The following FBXO10 variants were observed in gnomAD, a reference collection of about 807,000 sequenced individuals.
FBXO10 encodes the protein F-box only protein 10.
A neutral mutation model predicts 80.7 loss-of-function variants in FBXO10; 39 were observed. That is an observed-to-expected ratio of 0.48 (90% CI 0.37 to 0.63). The LOEUF (loss-of-function observed/expected upper bound fraction) is 0.63, where lower values mean the gene tolerates loss of function less well. Among genes scored for constraint, FBXO10 ranks in the 30% least tolerant of loss-of-function variants. The pLI is 0.00. For synonymous variants in FBXO10, 449 were observed against 489.6 expected (o/e 0.92, Z 1.09); for missense variants, 1,025 against 1,269.0 (o/e 0.81, Z 2.92).
rs747039257 is a variant in FBXO10 at position 37,541,517 on chromosome 9, T to G, written c.252A>C (p.Thr84=). The G allele has an allele frequency of 1.2e-6, 2 of 1,613,942 alleles. No homozygotes were observed. Among genetic ancestry groups the G allele is most frequent in the Non-Finnish European group, 1.7e-6 (2 of 1,179,836 alleles). The change falls in exon 2 of 11, where the codon ACA becomes ACC. Residue 84 remains threonine (T), a synonymous_variant. Transcript: ENST00000432825. The part of the protein sequence containing the change: ...AFKQHYLASK[T]WTKNALDLES... Reference sequence around the variant, plus strand: ...CCAAGTCCAAGGCATTCTTGGTCCATGTCTTGGATGCAAGGTAATGCTGCT... The same window carrying G: ...CCAAGTCCAAGGCATTCTTGGTCCAGGTCTTGGATGCAAGGTAATGCTGCT...
intron 4 of FBXO10, among the ~76,000 whole-genome samples, chr9:37,529,837 C>CT (rs34740759): frequency 0.29 from 40,453 of 140,728 alleles, 5,914 homozygotes; most frequent in Middle Eastern, 0.32. Context: ...CAAGAGATAT[C>CT]TTTTTTTTTT....
chr9:37,550,516 TGTTG>T (rs1822172569), intron 1 of FBXO10, among the ~76,000 whole-genome samples: 1 of 150,384 alleles, frequency 6.6e-6, no homozygotes, highest in Admixed American at 6.7e-5. Context: ...AGTCTCACTC[TGTTG>T]CCCAGGCTGG....
At chr9:37,552,406 G>A (rs10973410) in intron 1 of FBXO10, among the ~76,000 whole-genome samples, 24,824 of 152,180 alleles carry the variant, frequency 0.16, 2,450 homozygotes, top group East Asian at 0.24. Context: ...ACTTATGGCT[G>A]GGCGAGGTGG....
intron 10 of FBXO10, among the ~76,000 whole-genome samples, chr9:37,513,708 G>T (rs1291688028): frequency 6.6e-6 from 1 of 152,068 alleles, no homozygotes; most frequent in Non-Finnish European, 1.5e-5. Context: ...TCCTGGCTCA[G>T]CCTCCCGAGT....
chr9:37,558,100 G>A (rs1230890097), intron 1 of FBXO10, among the ~76,000 whole-genome samples: 1 of 152,124 alleles, frequency 6.6e-6, no homozygotes, highest in East Asian at 1.9e-4. Context: ...CTTCTTTCAG[G>A]GAGCACCATA....
intron 6 of FBXO10, 132 bp from the exon 7 acceptor site, chr9:37,523,109 A>G: frequency 1.0e-6 from 1 of 967,988 alleles, no homozygotes; most frequent in Non-Finnish European, 1.5e-6. Flanking sequence ...AGCAATTAGC[A>G]CTGTAAATCT....
intron 1 of FBXO10, among the ~76,000 whole-genome samples, chr9:37,561,982 T>G (rs1206802131): frequency 1.3e-5 from 2 of 152,194 alleles, no homozygotes; most frequent in Admixed American, 1.3e-4. Flanking sequence ...TTGGCCAGTC[T>G]AACATCTCAA....
chr9:37,535,196 C>A (rs1005981924), intron 3 of FBXO10, among the ~76,000 whole-genome samples: 1 of 152,128 alleles, frequency 6.6e-6, no homozygotes, highest in East Asian at 1.9e-4. Context: ...CTAACTAGAT[C>A]GACCTCCTAA....
chr9:37,542,610 A>AAG (rs1269280447), intron 1 of FBXO10, among the ~76,000 whole-genome samples: 1 of 151,588 alleles, frequency 6.6e-6, no homozygotes, highest in Non-Finnish European at 1.5e-5. Context: ...AAAAAAAAAA[A>AAG]AAGGATACGA....
intron 8 of FBXO10, among the ~76,000 whole-genome samples, chr9:37,519,413 A>G: frequency 6.6e-6 from 1 of 152,138 alleles, no homozygotes; most frequent in East Asian, 1.9e-4. Flanking sequence ...AAAAGAAAGC[A>G]GGGCAGCCAG....
intron 1 of FBXO10, among the ~76,000 whole-genome samples, chr9:37,552,769 T>C (rs1160756344): frequency 2.0e-5 from 3 of 151,826 alleles, no homozygotes; most frequent in Non-Finnish European, 1.5e-5. Flanking sequence ...ATCAAGGTGC[T>C]GGCACCTGGT....
intron 1 of FBXO10, among the ~76,000 whole-genome samples, chr9:37,570,061 G>C (rs1288961225): frequency 6.6e-6 from 1 of 152,210 alleles, no homozygotes; most frequent in African/African-American, 2.4e-5. Context: ...CTGTATCCCA[G>C]CATTTTGGGA....
At chr9:37,515,798 G>T in intron 10 of FBXO10, 106 bp downstream of exon 10, 1 of 1,200,712 alleles carries the variant, frequency 8.3e-7, no homozygotes. Context: ...CAGCTGGCAG[G>T]GTTGCAGGGA....
intron 1 of FBXO10, among the ~76,000 whole-genome samples, chr9:37,544,437 A>G (rs1339456752): frequency 6.6e-6 from 1 of 152,140 alleles, no homozygotes; most frequent in Non-Finnish European, 1.5e-5. Flanking sequence ...TATCTCATAA[A>G]TAAATAAAGT....
intron 7 of FBXO10, 197 bp from the exon 8 acceptor site, chr9:37,522,035 T>C: frequency 1.6e-6 from 1 of 622,446 alleles, no homozygotes. Context: ...CAGGTGAACC[T>C]CACAAGCTCG....
At chr9:37,545,904 T>C (rs1485926236) in intron 1 of FBXO10, among the ~76,000 whole-genome samples, 1 of 152,142 alleles carries the variant, frequency 6.6e-6, no homozygotes, top group Non-Finnish European at 1.5e-5. Flanking sequence ...CCCAGCACTT[T>C]GGGAGGCGGA....
intron 10 of FBXO10, among the ~76,000 whole-genome samples, chr9:37,514,554 G>C (rs565369584): frequency 6.6e-6 from 1 of 151,998 alleles, no homozygotes; most frequent in Non-Finnish European, 1.5e-5. Flanking sequence ...TAGGTATACC[G>C]GTGAGGCGCG....
rs748328440 is a variant in FBXO10, at chr9:37,541,674, G to A, written c.95C>T (p.Ala32Val). Residue 32 changes from alanine (A) to valine (V), a missense_variant, in exon 2 of 11, where the codon GCC becomes GTC. By Grantham distance (64) the Ala-to-Val change is moderately conservative. Around this residue, in one of 3 missense-constraint regions of FBXO10, gnomAD observed 450 missense variants for 499.4 expected, o/e 0.90. Transcript: ENST00000432825. ...DLGRCSLVCR[A>V]WYELILSLDS... ...GAGACTGAGGATCAGTTCATACCAG[G>A]CCCTGCATACCAGGCTGCAGCGGCC... 1.9e-6 allele frequency: 3 copies of A among 1,613,934 alleles called. No individual in the cohort carries two copies. The highest frequency in any genetic ancestry group is 2.2e-5 in the East Asian group (1 of 44,876).
chr9:37,560,235 T>C (rs1822443996), intron 1 of FBXO10, among the ~76,000 whole-genome samples: 1 of 152,138 alleles, frequency 6.6e-6, no homozygotes, highest in Non-Finnish European at 1.5e-5. Context: ...ATTTTGCAAA[T>C]ATTAATTGTA....
Sources: allele counts gnomAD v4.1 joint callset (sites outside exome capture counted in the v4.1 genomes callset), GRCh38; gene constraint gnomAD v4.1.1; regional missense constraint gnomAD v4.1.1; transcripts MANE v1.5; gene names NCBI Gene and HGNC (gene_info 2026-07-23, HGNC 2026-07-21).